Variants in DSCAML1 observed in about 807,000 individuals in gnomAD.
DSCAML1 encodes DS cell adhesion molecule like 1.
A neutral mutation model predicts 200.5 loss-of-function variants in DSCAML1; 38 were observed. That is an observed-to-expected ratio of 0.19 (90% confidence interval 0.15 to 0.25). The LOEUF is 0.25. DSCAML1 is among the 10% of genes least tolerant of loss of function. DSCAML1 has a pLI of 1.00. For missense variants in DSCAML1, 2,223 were observed against 2,858.8 expected, an observed-to-expected ratio of 0.78 and a Z score of 5.07; for synonymous variants, 1,215 against 1,165.0, an observed-to-expected ratio of 1.04 and a Z score of -0.87.
chr11:117,811,689 CT>C (rs1203224979), intron 1 of DSCAML1, among the ~76,000 whole-genome samples: 31 of 152,308 alleles, frequency 2.0e-4, no homozygotes, highest in Middle Eastern at 3.4e-3. Context: ...CCCAGAGCCC[CT>C]GGAACTCTGG....
chr11:117,543,385 T>A (rs527906078), intron 3 of DSCAML1, among the ~76,000 whole-genome samples: 2 of 151,034 alleles, frequency 1.3e-5, no homozygotes, highest in African/African-American at 4.9e-5. Flanking sequence ...ATGTTGTGTA[T>A]CTGTGCTGGC....
intron 3 of DSCAML1, among the ~76,000 whole-genome samples, chr11:117,644,100 G>C (rs1453036516): frequency 6.6e-6 from 1 of 152,200 alleles, no homozygotes; most frequent in Non-Finnish European, 1.5e-5. Context: ...TGCAGGAAGG[G>C]GCCCGTGATG....
At chr11:117,577,398 T>G (rs1239543675) in intron 3 of DSCAML1, among the ~76,000 whole-genome samples, 1 of 100,636 alleles carries the variant, frequency 9.9e-6, no homozygotes. Context: ...CCTCCCTCCC[T>G]CCCTCCCTCC....
chr11:117,787,911 C>A (rs2055390112), intron 1 of DSCAML1, among the ~76,000 whole-genome samples: 1 of 152,160 alleles, frequency 6.6e-6, no homozygotes, highest in Non-Finnish European at 1.5e-5. Flanking sequence ...TATGTGCCCT[C>A]ACTCTGATTG....
At chr11:117,701,458 T>C (rs1242073157) in intron 3 of DSCAML1, among the ~76,000 whole-genome samples, 2 of 151,978 alleles carry the variant, frequency 1.3e-5, no homozygotes, top group African/African-American at 2.4e-5. Flanking sequence ...CAATTAACAC[T>C]TCTGAAAAAT....
chr11:117,461,068 C>CA (rs1220252900), intron 18 of DSCAML1, among the ~76,000 whole-genome samples: 1 of 87,196 alleles, frequency 1.1e-5, no homozygotes, highest in Non-Finnish European at 2.1e-5. Flanking sequence ...CTAATATCAA[C>CA]ACTGAAACTA....
chr11:117,755,183 T>C (rs1225218900), intron 3 of DSCAML1, among the ~76,000 whole-genome samples: 2 of 152,154 alleles, frequency 1.3e-5, no homozygotes, highest in Non-Finnish European at 1.5e-5. Flanking sequence ...AATTCTTCCT[T>C]CTCTATGGAT....
chr11:117,785,307 A>G (rs532938425), intron 1 of DSCAML1, among the ~76,000 whole-genome samples: 6 of 152,284 alleles, frequency 3.9e-5, no homozygotes, highest in African/African-American at 1.4e-4. Context: ...GGAAGGGGAA[A>G]GTTATTCAGC....
At chr11:117,629,706 G>A (rs1390236015) in intron 3 of DSCAML1, among the ~76,000 whole-genome samples, 1 of 152,158 alleles carries the variant, frequency 6.6e-6, no homozygotes, top group Non-Finnish European at 1.5e-5. Flanking sequence ...ACTGAAAAAA[G>A]AGAGCAGGGA....
At chr11:117,808,071 A>G (rs1309002340) in intron 1 of DSCAML1, among the ~76,000 whole-genome samples, 1 of 152,126 alleles carries the variant, frequency 6.6e-6, no homozygotes, top group Non-Finnish European at 1.5e-5. Flanking sequence ...CCGCCCGCCT[A>G]GGCTTCCCAA....
intron 17 of DSCAML1, among the ~76,000 whole-genome samples, chr11:117,462,857 T>C (rs1156506755): frequency 6.6e-6 from 1 of 152,246 alleles, no homozygotes; most frequent in Non-Finnish European, 1.5e-5. Flanking sequence ...GAAAAACTGC[T>C]GAGCAAATGC....
At chr11:117,799,721 G>A (rs2055639041), upstream of DSCAML1, among the ~76,000 whole-genome samples, 1 of 152,216 alleles carries the variant, frequency 6.6e-6, no homozygotes, top group Non-Finnish European at 1.5e-5. Context: ...TGTGTGCCTG[G>A]GAAATGTATG....
intron 20 of DSCAML1, among the ~76,000 whole-genome samples, chr11:117,445,490 A>G (rs1444087431): frequency 6.6e-6 from 1 of 152,222 alleles, no homozygotes; most frequent in Non-Finnish European, 1.5e-5. Context: ...CCTCCTGGGC[A>G]TACAGCCCGT....
At chr11:117,565,485 AAC>A (rs1260316638) in intron 3 of DSCAML1, among the ~76,000 whole-genome samples, 2 of 152,220 alleles carry the variant, frequency 1.3e-5, no homozygotes, top group Admixed American at 6.5e-5. Context: ...TTGATACACA[AAC>A]ACAGTATCTA....
At chr11:117,453,676 A>ACC (rs571838744) in intron 19 of DSCAML1, among the ~76,000 whole-genome samples, 1,720 of 149,422 alleles carry the variant, frequency 0.012, 11 homozygotes, top group Non-Finnish European at 0.017. Context: ...TGCTTTTAAG[A>ACC]TCTCTCTCTC....
chr11:117,747,006 T>G (rs2054529602), intron 3 of DSCAML1, among the ~76,000 whole-genome samples: 1 of 152,068 alleles, frequency 6.6e-6, no homozygotes, highest in Non-Finnish European at 1.5e-5. Flanking sequence ...GAGCCCTCCA[T>G]AAGTGGTAGA....
chr11:117,455,985 T>C (rs1592604277), intron 19 of DSCAML1, among the ~76,000 whole-genome samples: 1 of 152,150 alleles, frequency 6.6e-6, no homozygotes, highest in African/African-American at 2.4e-5. Context: ...CAGTAGAGGG[T>C]ATGTCGTGCT....
At chr11:117,605,109 G>A (rs2051538814) in intron 3 of DSCAML1, among the ~76,000 whole-genome samples, 1 of 152,098 alleles carries the variant, frequency 6.6e-6, no homozygotes, top group Non-Finnish European at 1.5e-5. Context: ...GCTCACTGCA[G>A]CCTCAAACTC....
At chr11:117,445,611 G>A (rs1392730593) in intron 20 of DSCAML1, among the ~76,000 whole-genome samples, 3 of 152,194 alleles carry the variant, frequency 2.0e-5, no homozygotes, top group East Asian at 1.9e-4. Flanking sequence ...GGGTGTGCAC[G>A]TCCTTTGTAA....
Sources: gnomAD v4.1 joint callset for allele counts (sites outside exome capture counted in the v4.1 genomes callset) on GRCh38, gnomAD v4.1.1 for gene constraint, MANE v1.5 for transcripts, NCBI Gene and HGNC (gene_info 2026-07-23, HGNC 2026-07-21) for gene names.